MCUB: variants seen among roughly 807,000 people sequenced by gnomAD.
MCUB encodes mitochondrial calcium uniporter dominant negative subunit beta.
In MCUB, 46 loss-of-function variants were observed where a neutral mutation model predicts 41.4. The observed-to-expected ratio is 1.11, with a 90% CI of 0.88 to 1.42. MCUB has a LOEUF of 1.42. Among genes scored for constraint, MCUB ranks in the 40% most tolerant of loss-of-function variants. MCUB has a pLI of 0.00. For missense variants in MCUB, 403 were observed against 404.9 expected, an observed-to-expected ratio of 1.00 and a Z score of 0.04; for synonymous variants, 148 against 148.2, an observed-to-expected ratio of 1.00 and a Z score of 0.01.
At chr4:109,677,057 G>C (rs1339355575) in intron 4 of MCUB, among the ~76,000 whole-genome samples, 1 of 152,236 alleles carries the variant, frequency 6.6e-6, no homozygotes, top group African/African-American at 2.4e-5. Flanking sequence ...ATGGGGGCAG[G>C]ACTGCCCAAG....
intron 1 of MCUB, among the ~76,000 whole-genome samples, chr4:109,609,065 ATCTCTC>A (rs58016825): frequency 0.22 from 33,899 of 150,866 alleles, 4,618 homozygotes; most frequent in South Asian, 0.35. Context: ...GACAAATGGG[ATCTCTC>A]TCTCTCTCTC....
At chr4:109,666,300 C>A (rs1729344730) in intron 4 of MCUB, among the ~76,000 whole-genome samples, 2 of 152,126 alleles carry the variant, frequency 1.3e-5, no homozygotes, top group Admixed American at 1.3e-4. Flanking sequence ...ATTTTCAAAT[C>A]ATTTGGTTAA....
At chr4:109,562,389 G>A (rs1339313002) in intron 1 of MCUB, among the ~76,000 whole-genome samples, 1 of 152,222 alleles carries the variant, frequency 6.6e-6, no homozygotes, top group Non-Finnish European at 1.5e-5. Context: ...AAGTGGAAAT[G>A]CTGTTCTTTA....
chr4:109,619,927 G>T (rs774061674), intron 1 of MCUB, among the ~76,000 whole-genome samples: 3 of 152,150 alleles, frequency 2.0e-5, no homozygotes, highest in Non-Finnish European at 4.4e-5. Context: ...GGACACTGAG[G>T]TTTAGAGAAG....
intron 4 of MCUB, among the ~76,000 whole-genome samples, chr4:109,673,546 G>T (rs1380802831): frequency 6.6e-6 from 1 of 152,162 alleles, no homozygotes; most frequent in Non-Finnish European, 1.5e-5. Flanking sequence ...AGTAAACAGG[G>T]ACACAGCAGG....
chr4:109,674,797 C>T (rs1729536170), intron 4 of MCUB, among the ~76,000 whole-genome samples: 1 of 152,192 alleles, frequency 6.6e-6, no homozygotes, highest in Non-Finnish European at 1.5e-5. Context: ...TAAATGTCAT[C>T]TTGAAATAGA....
intron 5 of MCUB, among the ~76,000 whole-genome samples, chr4:109,683,595 T>C (rs1035477800): frequency 6.6e-6 from 1 of 152,220 alleles, no homozygotes; most frequent in African/African-American, 2.4e-5. Flanking sequence ...TACATTCTTA[T>C]TTTATTCTCT....
At chr4:109,566,085 G>T (rs1175500196) in intron 1 of MCUB, among the ~76,000 whole-genome samples, 1 of 151,558 alleles carries the variant, frequency 6.6e-6, no homozygotes, top group African/African-American at 2.4e-5. Context: ...CAACCCTGTG[G>T]GCTCAAGTGA....
At chr4:109,595,713 A>G (rs1209513878) in intron 1 of MCUB, among the ~76,000 whole-genome samples, 4 of 152,292 alleles carry the variant, frequency 2.6e-5, no homozygotes, top group Admixed American at 2.6e-4. Context: ...TTGTTTTGGT[A>G]TGACTGTGGG....
At chr4:109,563,125 G>A (rs568772807) in intron 1 of MCUB, among the ~76,000 whole-genome samples, 57 of 152,328 alleles carry the variant, frequency 3.7e-4, no homozygotes, top group African/African-American at 1.3e-3. Context: ...AGTAATTGTG[G>A]TGCTTGGTGA....
chr4:109,657,440 C>A (rs181189817), intron 1 of MCUB, among the ~76,000 whole-genome samples: 1 of 152,120 alleles, frequency 6.6e-6, no homozygotes, highest in African/African-American at 2.4e-5. Context: ...CACTTTTAAC[C>A]ACTGATTTAT....
chr4:109,643,007 C>A (rs1728755127), intron 1 of MCUB, among the ~76,000 whole-genome samples: 1 of 148,788 alleles, frequency 6.7e-6, no homozygotes, highest in South Asian at 2.1e-4. Context: ...GTTGGCCAGG[C>A]TTGTCTCAAA....
intron 1 of MCUB, among the ~76,000 whole-genome samples, chr4:109,576,575 G>A (rs1261733001): frequency 1.4e-5 from 2 of 146,700 alleles, no homozygotes; most frequent in South Asian, 2.1e-4. Flanking sequence ...AACTCAAAGC[G>A]TAAAGCATGG....
chr4:109,654,527 C>G (rs1471140055), intron 1 of MCUB, among the ~76,000 whole-genome samples: 1 of 151,992 alleles, frequency 6.6e-6, no homozygotes, highest in African/African-American at 2.4e-5. Flanking sequence ...AGGAGAATTG[C>G]TTGAGCCTGG....
At chr4:109,622,762 T>C (rs1728274635) in intron 1 of MCUB, among the ~76,000 whole-genome samples, 1 of 152,192 alleles carries the variant, frequency 6.6e-6, no homozygotes, top group African/African-American at 2.4e-5. Context: ...GACTTTATGA[T>C]GGTGTGAAGC....
intron 4 of MCUB, 57 bp downstream of exon 4, chr4:109,664,451 C>G (rs538728560): frequency 1.5e-6 from 1 of 675,826 alleles, no homozygotes; most frequent in Admixed American, 2.6e-5. Context: ...GATGAATTCT[C>G]ACTTGCTCTG....
intron 1 of MCUB, among the ~76,000 whole-genome samples, chr4:109,617,044 T>A (rs1255197204): frequency 2.8e-5 from 4 of 141,614 alleles, no homozygotes; most frequent in African/African-American, 1.0e-4. Flanking sequence ...ATGTCCTTCT[T>A]TGTCCTAACC....
chr4:109,587,960 C>A (rs1453160357), intron 1 of MCUB, among the ~76,000 whole-genome samples: 1 of 152,158 alleles, frequency 6.6e-6, no homozygotes, highest in African/African-American at 2.4e-5. Context: ...AAGCAAAATT[C>A]TAAGTGGTTA....
intron 1 of MCUB, among the ~76,000 whole-genome samples, chr4:109,602,424 G>A (rs1404872645): frequency 6.6e-6 from 1 of 152,140 alleles, no homozygotes; most frequent in Non-Finnish European, 1.5e-5. Context: ...TCATTCTTCT[G>A]CATATAAATA....
Sources: gnomAD v4.1 joint callset for allele counts (sites outside exome capture counted in the v4.1 genomes callset) on GRCh38, gnomAD v4.1.1 for gene constraint, MANE v1.5 for transcripts, NCBI Gene and HGNC (gene_info 2026-07-23, HGNC 2026-07-21) for gene names.